The following DHX35 variants were observed in gnomAD, a reference collection of about 807,000 sequenced individuals.
The protein encoded by DHX35 is DEAH-box helicase 35.
A neutral mutation model predicts 99.6 loss-of-function variants in DHX35; 84 were observed. That is an observed-to-expected ratio of 0.84 (90% CI 0.71 to 1.01). DHX35 has a LOEUF of 1.01. DHX35 is among the 50% of genes least tolerant of loss of function. The pLI is 0.00. For missense variants in DHX35, 852 were observed against 888.5 expected (o/e 0.96, Z 0.52); for synonymous variants, 331 against 316.2 (o/e 1.05, Z -0.50).
At position 38,980,176 on chromosome 20, in the gene DHX35, G is replaced by A. The variant is rs117316923; in HGVS notation, c.268-3523G>A. On this transcript the variant is annotated intron_variant, in intron 3 of 21. Transcript: ENST00000252011. ...TTGAGGTGACTAGCTTTATGGACAGGCTTATTTTTATGGAAATTGTTTTTC... is the reference window on the plus strand; with the variant it reads ...TTGAGGTGACTAGCTTTATGGACAGACTTATTTTTATGGAAATTGTTTTTC... Among the ~76,000 whole-genome samples the A allele has an allele frequency of 3.9e-3, 594 of 152,250 alleles. 4 individuals carry two copies. Among genetic ancestry groups the A allele is most frequent in the Non-Finnish European group, 7.3e-3 (495 of 68,002 alleles).
Position 38,982,099 on chromosome 20 carries a change from A to G in DHX35, c.268-1600A>G, listed in dbSNP as rs567805641. Reference sequence around the variant, plus strand: ...AACATCTAGCTATCTGTATCTGTCTATCCATCTATATTTTAAACACCATGA... The same window carrying G: ...AACATCTAGCTATCTGTATCTGTCTGTCCATCTATATTTTAAACACCATGA... On this transcript the variant is annotated intron_variant, in intron 3 of 21. Coordinates refer to ENST00000252011, the MANE Select transcript of DHX35 (RefSeq NM_021931.4). Among the ~76,000 whole-genome samples, 44 of 152,308 alleles carry G rather than the reference A, an allele frequency of 2.9e-4. 1 individual carries two copies. The highest frequency in any genetic ancestry group is 8.3e-4 in the South Asian group (4 of 4,818).
intron 1 of DHX35, 105 bp from the exon 2 acceptor site, chr20:38,968,976 A>T: frequency 7.7e-7 from 1 of 1,295,674 alleles, no homozygotes; most frequent in African/African-American, 1.5e-5. Flanking sequence ...TGAGATAAAA[A>T]GTATTGCTTC....
intron 19 of DHX35, chr20:39,029,980 CTT>C (rs998747126): frequency 2.9e-4 from 40 of 137,906 alleles, no homozygotes; most frequent in African/African-American, 2.1e-4. Context: ...CAGTATTGAG[CTT>C]TTTTTTTTTT....
chr20:38,986,675 A>G (rs1337244076), intron 4 of DHX35, among the ~76,000 whole-genome samples: 1 of 152,194 alleles, frequency 6.6e-6, no homozygotes. Flanking sequence ...GTAGGGTTGA[A>G]ATTGGAACAG....
chr20:39,030,598 C>T (rs1469291245), intron 19 of DHX35, 106 bp from the exon 20 acceptor site: 4 of 1,015,984 alleles, frequency 3.9e-6, no homozygotes, highest in East Asian at 2.5e-5. Context: ...TTGCTTGTGA[C>T]GAGTTCAGTC....
intron 1 of DHX35, among the ~76,000 whole-genome samples, chr20:38,968,062 A>G (rs2085935577): frequency 6.6e-6 from 1 of 152,204 alleles, no homozygotes; most frequent in Non-Finnish European, 1.5e-5. Flanking sequence ...TTAAAAAAGC[A>G]AGTGAGCTCC....
chr20:38,971,495 C>G (rs1187500047), intron 2 of DHX35, among the ~76,000 whole-genome samples: 1 of 152,112 alleles, frequency 6.6e-6, no homozygotes, highest in Admixed American at 6.5e-5. Flanking sequence ...AATAGTGACT[C>G]TATCTTGGAT....
chr20:38,986,099 G>C (rs186328021), intron 4 of DHX35, among the ~76,000 whole-genome samples: 7 of 151,716 alleles, frequency 4.6e-5, no homozygotes, highest in African/African-American at 1.7e-4. Context: ...ACAGTGTCTC[G>C]TCTACCTCAT....
At chr20:39,019,642 C>T (rs1220039247) in intron 15 of DHX35, among the ~76,000 whole-genome samples, 2 of 152,098 alleles carry the variant, frequency 1.3e-5, no homozygotes, top group African/African-American at 4.8e-5. Flanking sequence ...AATCTATGTA[C>T]ACATTGTAGA....
chr20:39,005,158 A>G (rs913342372), intron 11 of DHX35, among the ~76,000 whole-genome samples: 2 of 152,208 alleles, frequency 1.3e-5, no homozygotes, highest in Non-Finnish European at 2.9e-5. Flanking sequence ...ATTTTTATAA[A>G]ATGATTTATA....
At chr20:38,982,589 T>C (rs553176814) in intron 3 of DHX35, among the ~76,000 whole-genome samples, 3 of 152,234 alleles carry the variant, frequency 2.0e-5, no homozygotes, top group Non-Finnish European at 2.9e-5. Context: ...AAAAGATCTA[T>C]TGAGAGCATT....
chr20:38,985,231 T>TAA (rs2086232349), intron 4 of DHX35, among the ~76,000 whole-genome samples: 1 of 151,942 alleles, frequency 6.6e-6, no homozygotes, highest in South Asian at 2.1e-4. Context: ...AAACAATTTT[T>TAA]AAAAAAATTA....
At chr20:39,025,485 A>G in intron 18 of DHX35, 126 bp downstream of exon 18, 1 of 1,160,538 alleles carries the variant, frequency 8.6e-7, no homozygotes. Flanking sequence ...TGGGTTTTAT[A>G]TTTTGAGTTG....
chr20:39,001,771 A>G lies in DHX35; in HGVS notation c.684A>G (p.Pro228=). 2 of 1,613,004 alleles carry G rather than the reference A, an allele frequency of 1.2e-6. No individual in the cohort carries two copies. The highest frequency in any genetic ancestry group is 4.5e-5 in the East Asian group (2 of 44,856). The change falls in exon 9 of 22, where the codon CCA becomes CCG. Residue 228 remains proline, a synonymous_variant. Coordinates refer to ENST00000252011, the MANE Select transcript of DHX35 (RefSeq NM_021931.4). The stretch of plus-strand genomic sequence containing the variant: ...TTAATCAAAATGAAACCAGTGATCC[A>G]GCAAGGGATACATGTGTGATCCTTA... ...DFFNQNETSD[P]ARDTCVILTV...
intron 13 of DHX35, among the ~76,000 whole-genome samples, chr20:39,013,851 A>C (rs1242181288): frequency 6.6e-6 from 1 of 152,210 alleles, no homozygotes; most frequent in Admixed American, 6.5e-5. Context: ...TAATGAATCC[A>C]ATAGGTTTAG....
rs145846396 is a variant in DHX35 at position 38,973,021 on chromosome 20, G to A, written c.267+370G>A. Among the ~76,000 whole-genome samples the A allele has an allele frequency of 3.2e-3, 489 of 152,310 alleles. 6 individuals are homozygous for A. The highest frequency in any genetic ancestry group is 0.03 in the South Asian group (147 of 4,826). ...TAAAAATTGGCTGTTATAGTATTAT[G>A]CAGTGCTATGGAAGAACCCTTTCTT... On this transcript the variant is annotated intron_variant, in intron 3 of 21. Coordinates refer to ENST00000252011, the MANE Select transcript of DHX35 (RefSeq NM_021931.4).
intron 1 of DHX35, among the ~76,000 whole-genome samples, chr20:38,964,685 T>C (rs1184528446): frequency 1.3e-5 from 2 of 152,196 alleles, no homozygotes; most frequent in Non-Finnish European, 2.9e-5. Flanking sequence ...CACCTCGGCC[T>C]CCCAAAGTGT....
intron 3 of DHX35, among the ~76,000 whole-genome samples, chr20:38,981,265 C>T (rs547151659): frequency 9.2e-5 from 14 of 152,056 alleles, no homozygotes; most frequent in Non-Finnish European, 1.5e-4. Flanking sequence ...TTAGTATCCC[C>T]CTCAGTGGAT....
chr20:38,997,318 G>A (rs574079268), intron 8 of DHX35, among the ~76,000 whole-genome samples: 49 of 152,112 alleles, frequency 3.2e-4, no homozygotes, highest in African/African-American at 1.1e-3. Context: ...TGATCCTCCC[G>A]CCTTGGACTC....
Sources: gnomAD v4.1 joint callset for allele counts (sites outside exome capture counted in the v4.1 genomes callset) on GRCh38, gnomAD v4.1.1 for gene constraint, MANE v1.5 for transcripts, NCBI Gene and HGNC (gene_info 2026-07-23, HGNC 2026-07-21) for gene names.